Variants in ENG observed in about 807,000 individuals in gnomAD.
ENG encodes the protein endoglin.
A neutral mutation model predicts 71.0 loss-of-function variants in ENG; 17 were observed. The observed-to-expected ratio is 0.24, with a 90% CI of 0.16 to 0.36. ENG has a LOEUF of 0.36. Ranked by LOEUF, ENG falls within the 10% of genes least tolerant of loss-of-function variation. The probability of loss-of-function intolerance (pLI) is 1.00; values close to 1 mark genes in which losing one functional copy is unlikely to be tolerated. For synonymous variants in ENG, 360 were observed against 366.9 expected, an observed-to-expected ratio of 0.98 and a Z score of 0.21; for missense variants, 749 against 868.3, an observed-to-expected ratio of 0.86 and a Z score of 1.73.
At chr9:127,841,538 G>T (rs1042377860) in intron 2 of ENG, among the ~76,000 whole-genome samples, 1 of 152,192 alleles carries the variant, frequency 6.6e-6, no homozygotes, top group African/African-American at 2.4e-5. Context: ...AAGTGTGTTT[G>T]GCACTATCTA....
intron 3 of ENG, chr9:127,826,944 T>C (rs1830633067): frequency 2.1e-6 from 1 of 484,954 alleles, no homozygotes; most frequent in Admixed American, 3.3e-5. Flanking sequence ...AGAGCTGTTC[T>C]CATTCAACCC....
intron 7 of ENG, 91 bp from the exon 8 acceptor site, chr9:127,824,537 G>A: frequency 2.2e-6 from 1 of 447,154 alleles, no homozygotes; most frequent in Non-Finnish European, 3.0e-6. Flanking sequence ...TTTTTTTTTT[G>A]AGACGGAGTT....
intron 11 of ENG, 158 bp downstream of exon 11, chr9:127,818,558 T>C (rs1189308519): frequency 4.4e-6 from 6 of 1,373,362 alleles, no homozygotes; most frequent in Non-Finnish European, 6.1e-6. Flanking sequence ...TCAGTGTCCC[T>C]GAGCAATGCC....
At chr9:127,839,747 G>A (rs1049872972) in intron 2 of ENG, among the ~76,000 whole-genome samples, 7 of 152,062 alleles carry the variant, frequency 4.6e-5, no homozygotes, top group Admixed American at 1.3e-4. Flanking sequence ...GTAGAGATGC[G>A]GTTTCGCCAT....
chr9:127,840,854 G>A lies in ENG; in HGVS notation c.219+2240C>T, dbSNP rs41391548. Among the ~76,000 whole-genome samples the A allele has an allele frequency of 2.1e-3, 327 of 152,332 alleles. 2 individuals are homozygous for A. The highest frequency in any genetic ancestry group is 7.3e-3 in the African/African-American group (305 of 41,566). ...TCTAGAAGAGGCAGAGGCTAACAGG[G>A]AGATTTTGTTGTCATGAACTCAAGG... On this transcript the variant is annotated intron_variant, in intron 2 of 14. Coordinates refer to ENST00000373203, the MANE Select transcript of ENG (RefSeq NM_001114753.3).
chr9:127,818,145 C>T lies in ENG; in HGVS notation c.1661G>A (p.Arg554His), dbSNP rs748966307. ...TGTLSCTVALRPKTGSQDQEV... is the reference protein window; with the variant it reads ...TGTLSCTVALHPKTGSQDQEV... ...CTGGTCTTGAGACCCGGTCTTGGGA[C>T]GCAGGGCTACCGTGCAGCTGAGGGT... The change falls in exon 12 of 15, where the codon CGT becomes CAT. Residue 554 changes from arginine to histidine, a missense_variant. Physicochemically the swap from Arg to His is conservative, Grantham distance 29. Coordinates refer to ENST00000373203, the MANE Select transcript of ENG (RefSeq NM_001114753.3). 1.7e-5 allele frequency: 27 copies of T among 1,614,194 alleles called. No homozygotes were observed. Among genetic ancestry groups the T allele is most frequent in the East Asian group, 8.9e-5 (4 of 44,880 alleles).
At chr9:127,825,578 G>C (rs2131888503) in intron 5 of ENG, 117 bp downstream of exon 5, 1 of 1,260,832 alleles carries the variant, frequency 7.9e-7, no homozygotes, top group Non-Finnish European at 1.1e-6. Context: ...GGCTGCGGCG[G>C]GGCTGGGGCT....
At chr9:127,853,071 G>A (rs1032671366) in intron 1 of ENG, among the ~76,000 whole-genome samples, 3 of 152,128 alleles carry the variant, frequency 2.0e-5, no homozygotes, top group Non-Finnish European at 2.9e-5. Context: ...TTGCAGGGTC[G>A]TTGTGAGCCG....
chr9:127,819,637 G>A lies in ENG; in HGVS notation c.1296C>T (p.Ser432=). The part of the protein sequence containing the change: ...SNEAVVNILS[S]SSPQRKKVHC... Reference sequence around the variant, plus strand: ...TCCATCTCACCCGCTGTGGTGATGAGCTCGACAGGATATTGACCACCGCCT... The same window carrying A: ...TCCATCTCACCCGCTGTGGTGATGAACTCGACAGGATATTGACCACCGCCT... Residue 432 remains serine (S), a synonymous_variant, in exon 10 of 15, where the codon AGC becomes AGT. Transcript: ENST00000373203. 6.2e-7 allele frequency: 1 copy of A among 1,612,542 alleles called. No homozygotes were observed. The highest frequency in any genetic ancestry group is 1.3e-5 in the African/African-American group (1 of 75,020).
rs778123238 is a variant in ENG, at chr9:127,836,874, G to A, written c.219+6220C>T. Among the ~76,000 whole-genome samples the A allele has an allele frequency of 7.2e-5, 11 of 151,818 alleles. No individual in the cohort carries two copies. Among genetic ancestry groups the A allele is most frequent in the Admixed American group, 5.3e-4 (8 of 15,212 alleles). On this transcript the variant is annotated intron_variant, in intron 2 of 14. Coordinates refer to ENST00000373203, the MANE Select transcript of ENG (RefSeq NM_001114753.3). This position sits in a 1 kb window ranked among gnomAD's most constrained non-coding sequence, Gnocchi z 4.0. ...ACGATCTCGGCTCACTGCAATCTCC[G>A]CCTCCTGGGTTCAAGTAATTCTGCT...
At chr9:127,843,753 A>T (rs1474231926) in intron 1 of ENG, among the ~76,000 whole-genome samples, 5 of 13,252 alleles carry the variant, frequency 3.8e-4, no homozygotes, top group Admixed American at 1.1e-3. Flanking sequence ...ATATATATAT[A>T]TATTTTTTTT....
rs1035034127 is a variant in ENG at position 127,838,892 on chromosome 9, C to T, written c.219+4202G>A. Among the ~76,000 whole-genome samples the T allele has an allele frequency of 6.6e-6, 1 of 152,138 alleles. No individual in the cohort carries two copies. The highest frequency in any genetic ancestry group is 6.5e-5 in the Admixed American group (1 of 15,280). On this transcript the variant is annotated intron_variant, in intron 2 of 14. Coordinates refer to ENST00000373203, the MANE Select transcript of ENG (RefSeq NM_001114753.3). The surrounding 1 kb of genome is among the most constrained non-coding windows in gnomAD (Gnocchi z 4.3). ...CCCAAGGCTCTCGGCTGCCACCGCC[C>T]ATCTACCACCCACCCACAGGAAATC...
At position 127,825,752 on chromosome 9, in the gene ENG, C is replaced by A. The variant is rs1331681381; in HGVS notation, c.632G>T (p.Gly211Val). Residue 211 changes from glycine (G) to valine (V), a missense_variant, in exon 5 of 15, where the codon GGC becomes GTC. Gly to Val is a moderately radical substitution (Grantham distance 109). Transcript: ENST00000373203. Reference sequence around the variant, plus strand: ...GTGCGCCTCCTTGTGGCCGGCCACGCCTTCCAAGTGGCAGCCCCGGACCAA... The same window carrying A: ...GTGCGCCTCCTTGTGGCCGGCCACGACTTCCAAGTGGCAGCCCCGGACCAA... ...PALVRGCHLE[G>V]VAGHKEAHIL... 3 of 1,600,424 alleles carry A rather than the reference C, an allele frequency of 1.9e-6. No homozygotes were observed. Among genetic ancestry groups the A allele is most frequent in the Admixed American group, 1.7e-5 (1 of 58,694 alleles).
intron 1 of ENG, among the ~76,000 whole-genome samples, chr9:127,844,832 G>T (rs1453927998): frequency 6.6e-6 from 1 of 152,236 alleles, no homozygotes; most frequent in African/African-American, 2.4e-5. Flanking sequence ...AGGAGACAAA[G>T]CTTCCCCTCT....
chr9:127,823,736 T>C (rs1407369562), intron 8 of ENG, among the ~76,000 whole-genome samples: 2 of 142,378 alleles, frequency 1.4e-5, no homozygotes, highest in Non-Finnish European at 3.1e-5. Context: ...GGCTGAAGTT[T>C]AGTGGTGTGA....
At chr9:127,818,914 A>G (rs1251627961) in intron 10 of ENG, 82 bp from the exon 11 acceptor site, 24 of 1,187,696 alleles carry the variant, frequency 2.0e-5, no homozygotes, top group Middle Eastern at 2.6e-4. Flanking sequence ...AACAGGCATC[A>G]TGGCCCTGTG....
chr9:127,839,881 C>A (rs966887173), intron 2 of ENG, among the ~76,000 whole-genome samples: 21 of 152,084 alleles, frequency 1.4e-4, no homozygotes, highest in African/African-American at 4.1e-4. Context: ...GTAGCAATAA[C>A]CATTGAGGTT....
intron 1 of ENG, among the ~76,000 whole-genome samples, chr9:127,843,732 C>CACACATATATATATATAT (rs1554812389): frequency 7.8e-5 from 1 of 12,754 alleles, no homozygotes; most frequent in African/African-American, 2.4e-4. Flanking sequence ...CACACATCCA[C>CACACATATATATATATAT]ATACATATAT....
At chr9:127,819,509 C>T in intron 10 of ENG, 113 bp downstream of exon 10, 1 of 1,443,048 alleles carries the variant, frequency 6.9e-7, no homozygotes, top group South Asian at 1.2e-5. Context: ...ATTCCAGACA[C>T]ACATGGCTTG....
Sources: gnomAD v4.1 joint callset for allele counts (sites outside exome capture counted in the v4.1 genomes callset) on GRCh38, gnomAD v4.1.1 for gene constraint, Gnocchi (gnomAD v3.1) non-coding constraint, MANE v1.5 for transcripts, NCBI Gene and HGNC (gene_info 2026-07-23, HGNC 2026-07-21) for gene names.